STK32B: variants seen among roughly 807,000 people sequenced by gnomAD.
The protein encoded by STK32B is serine/threonine-protein kinase 32B.
In STK32B, 43 loss-of-function variants were observed where a neutral mutation model predicts 52.6. The observed-to-expected ratio is 0.82, with a 90% CI of 0.64 to 1.05. The LOEUF (loss-of-function observed/expected upper bound fraction) is 1.05, where lower values mean the gene tolerates loss of function less well. Among genes scored for constraint, STK32B ranks in the 50% least tolerant of loss-of-function variants. The pLI is 0.00. For synonymous variants in STK32B, 238 were observed against 204.3 expected, an observed-to-expected ratio of 1.17 and a Z score of -1.41; for missense variants, 621 against 534.6, an observed-to-expected ratio of 1.16 and a Z score of -1.59.
chr4:5,495,729 G>T (rs951687642), intron 11 of STK32B, among the ~76,000 whole-genome samples: 1 of 152,124 alleles, frequency 6.6e-6, no homozygotes, highest in Admixed American at 6.5e-5. Context: ...GGTCTTTGAT[G>T]ATGGTGATGT....
intron 2 of STK32B, among the ~76,000 whole-genome samples, chr4:5,159,598 AAT>A (rs770311072): frequency 0.055 from 5,379 of 97,726 alleles, 1,062 homozygotes; most frequent in African/African-American, 0.13. Context: ...AATATATATG[AAT>A]ATATATATGA....
rs145214671 is a variant in STK32B, at chr4:5,252,518, C to T, written c.261-78702C>T. Among the ~76,000 whole-genome samples the T allele has an allele frequency of 3.3e-5, 5 of 152,264 alleles. No individual in the cohort carries two copies. The East Asian group carries it at 5.8e-4, about 18-fold the overall frequency. On this transcript the variant is annotated intron_variant, in intron 3 of 11. Coordinates refer to ENST00000282908, the MANE Select transcript of STK32B (RefSeq NM_018401.3). ...CTGGGAAGGCAGATGATGAGTGGCC[C>T]CATCTGCAGGTCTTTATTTCTGTGT...
intron 3 of STK32B, among the ~76,000 whole-genome samples, chr4:5,231,887 G>C (rs1724297770): frequency 6.6e-6 from 1 of 152,166 alleles, no homozygotes; most frequent in Non-Finnish European, 1.5e-5. Flanking sequence ...AGGATTAGCA[G>C]AGCCTTGTGC....
At chr4:5,424,466 C>G (rs1416365035) in intron 6 of STK32B, among the ~76,000 whole-genome samples, 1 of 152,186 alleles carries the variant, frequency 6.6e-6, no homozygotes, top group African/African-American at 2.4e-5. Context: ...TCAGCACATA[C>G]TTCCTCCCCT....
intron 3 of STK32B, among the ~76,000 whole-genome samples, chr4:5,199,480 T>C (rs1038299889): frequency 6.6e-6 from 1 of 151,948 alleles, no homozygotes; most frequent in African/African-American, 2.4e-5. Context: ...ATAAATCAGC[T>C]TTGTGAATGC....
At chr4:5,428,560 T>C (rs566736811) in intron 6 of STK32B, among the ~76,000 whole-genome samples, 3 of 152,370 alleles carry the variant, frequency 2.0e-5, no homozygotes, top group South Asian at 2.1e-4. Flanking sequence ...GTTTAATTTA[T>C]GGTCTAGATA....
chr4:5,494,239 C>T (rs1187702958), intron 11 of STK32B, among the ~76,000 whole-genome samples: 5 of 152,052 alleles, frequency 3.3e-5, no homozygotes, highest in African/African-American at 9.7e-5. Flanking sequence ...TCACTCAGGA[C>T]TTGCTTTATG....
At chr4:5,034,873 A>C in the STK32B span, among the ~76,000 whole-genome samples, 1 of 152,188 alleles carries the variant, frequency 6.6e-6, no homozygotes. Flanking sequence ...TAATGTCAGT[A>C]GCACTTGATT....
chr4:5,459,968 C>T lies in STK32B; in HGVS notation c.784-135C>T, dbSNP rs41268641. 4.0e-3 allele frequency: 5,300 copies of T among 1,335,086 alleles called. 166 individuals carry two copies. In the African/African-American group the frequency reaches 0.067, roughly 17 times the overall value. 82.7% of individuals were successfully genotyped at this position (1,335,086 alleles called of 1,614,324 possible). A position where few individuals can be genotyped will look rare whatever the true frequency, so the allele number is the denominator to read the frequency against. On this transcript the variant is annotated intron_variant, in intron 8 of 11. Coordinates refer to ENST00000282908, the MANE Select transcript of STK32B (RefSeq NM_018401.3). ...CAGATGGCGCTTCCAACAACAGTGA[C>T]CCAGACGGGGCACAACATCAATAGA...
intron 3 of STK32B, among the ~76,000 whole-genome samples, chr4:5,184,028 T>C (rs1042188066): frequency 6.6e-6 from 1 of 152,228 alleles, no homozygotes; most frequent in African/African-American, 2.4e-5. Flanking sequence ...TTATCATTGT[T>C]ATGTTCACTG....
rs79809481 is a variant in STK32B at position 5,466,854 on chromosome 4, C to T, written c.1041+20C>T. 1.5e-4 allele frequency: 240 copies of T among 1,608,458 alleles called. 1 individual carries two copies. The East Asian group carries it at 5.1e-3, about 34-fold the overall frequency. Reference sequence around the variant, plus strand: ...CCGCTGGTGAGTGCTTCGTGGGAGCCGTTCCGGGAGAGAAATCCTGTGCTC... The same window carrying T: ...CCGCTGGTGAGTGCTTCGTGGGAGCTGTTCCGGGAGAGAAATCCTGTGCTC... On this transcript the variant is annotated intron_variant, in intron 10 of 11. Coordinates refer to ENST00000282908, the MANE Select transcript of STK32B (RefSeq NM_018401.3).
chr4:5,349,451 C>A (rs1733688264), intron 4 of STK32B, among the ~76,000 whole-genome samples: 2 of 152,080 alleles, frequency 1.3e-5, no homozygotes, highest in African/African-American at 4.8e-5. Context: ...AATTTCTCTA[C>A]ACTGCCAACA....
intron 1 of STK32B, among the ~76,000 whole-genome samples, chr4:5,119,886 G>A (rs978391088): frequency 2.4e-4 from 36 of 152,218 alleles, no homozygotes; most frequent in Middle Eastern, 3.4e-3. Context: ...TTTTCTACAT[G>A]CATTTATTTC....
chr4:5,129,808 CA>C (rs1715640827), intron 1 of STK32B, among the ~76,000 whole-genome samples: 1 of 152,196 alleles, frequency 6.6e-6, no homozygotes, highest in Non-Finnish European at 1.5e-5. Flanking sequence ...GTGACCCTCT[CA>C]TTGCAAATGT....
intron 6 of STK32B, among the ~76,000 whole-genome samples, chr4:5,418,022 T>G (rs1355214929): frequency 6.6e-6 from 1 of 152,244 alleles, no homozygotes; most frequent in Non-Finnish European, 1.5e-5. Context: ...TTCTCAGGAC[T>G]CTGCCTGCTT....
At chr4:5,402,354 G>A (rs1436339389) in intron 5 of STK32B, among the ~76,000 whole-genome samples, 1 of 152,228 alleles carries the variant, frequency 6.6e-6, no homozygotes, top group Non-Finnish European at 1.5e-5. Flanking sequence ...CCACATGGGA[G>A]GTGGACTTCC....
Position 5,317,181 on chromosome 4 carries a change from TA to T in STK32B, c.261-14038del, listed in dbSNP as rs1191930112. ...TATTACATATATATAACATATAATATATATATATAACATATATATATTATAT... is the reference window on the plus strand; with the variant it reads ...TATTACATATATATAACATATAATATTATATATAACATATATATATTATAT... On this transcript the variant is annotated intron_variant, in intron 3 of 11. Transcript: ENST00000282908. Among the ~76,000 whole-genome samples, 14 of 46,330 alleles carry T rather than the reference TA, an allele frequency of 3.0e-4. No individual in the cohort carries two copies. In the African/African-American group the frequency reaches 3.3e-3, roughly 11 times the overall value. 30.4% of individuals were successfully genotyped at this position (46,330 alleles called of 152,430 possible). A position where few individuals can be genotyped will look rare whatever the true frequency, so the allele number is the denominator to read the frequency against.
In STK32B at chr4:5,376,226, C is replaced by G. The variant is rs77441252; in HGVS notation, c.435-21981C>G. Among the ~76,000 whole-genome samples, 192 of 152,296 alleles carry G rather than the reference C, an allele frequency of 1.3e-3. 1 individual carries two copies. Among genetic ancestry groups the G allele is most frequent in the African/African-American group, 4.2e-3 (174 of 41,538 alleles). ...TCCATCTGCTTTTGCTTTTTAAACA[C>G]GTGCTATAGGAGTTCCTCCTTTGTC... On this transcript the variant is annotated intron_variant, in intron 4 of 11. Transcript: ENST00000282908.
chr4:5,267,053 G>T (rs553096942), intron 3 of STK32B, among the ~76,000 whole-genome samples: 4 of 152,282 alleles, frequency 2.6e-5, no homozygotes, highest in Non-Finnish European at 4.4e-5. Flanking sequence ...GACCTGGGAG[G>T]TGAATTCCTG....
Sources: allele counts gnomAD v4.1 joint callset (sites outside exome capture counted in the v4.1 genomes callset), GRCh38; gene constraint gnomAD v4.1.1; transcripts MANE v1.5; gene names NCBI Gene and HGNC (gene_info 2026-07-23, HGNC 2026-07-21).